TMEM67: variants seen among roughly 807,000 people sequenced by gnomAD.
TMEM67 encodes meckelin.
A neutral mutation model predicts 136.6 loss-of-function variants in TMEM67; 124 were observed. The ratio of observed to expected loss-of-function variants is 0.91; its 90% confidence interval spans 0.78 to 1.05. The LOEUF is 1.05. Among genes scored for constraint, TMEM67 ranks in the 50% least tolerant of loss-of-function variants. TMEM67 has a pLI of 0.00. For missense variants in TMEM67, 1,107 were observed against 1,178.4 expected (o/e 0.94, Z 0.89); for synonymous variants, 364 against 390.5 (o/e 0.93, Z 0.80).
chr8:93,816,646 G>A lies in TMEM67; in HGVS notation c.*194G>A. On this transcript the variant is annotated 3_prime_UTR_variant, in exon 28 of 28. Coordinates refer to ENST00000453321, the MANE Select transcript of TMEM67 (RefSeq NM_153704.6). Reference sequence around the variant, plus strand: ...TAATAGAAAATACTGTTTTCCCATTGTGTGTAGTATTTAATGCAGTAAATA... The same window carrying A: ...TAATAGAAAATACTGTTTTCCCATTATGTGTAGTATTTAATGCAGTAAATA... 1 of 433,640 alleles carries A rather than the reference G, an allele frequency of 2.3e-6. No individual in the cohort carries two copies. The highest frequency in any genetic ancestry group is 4.2e-6 in the Non-Finnish European group (1 of 237,258). The allele number at this position is 433,640 out of a possible 1,614,324, so 26.9% of individuals were successfully genotyped here.
Position 93,809,160 on chromosome 8 carries a change from A to G in TMEM67, c.2660A>G (p.His887Arg), listed in dbSNP as rs764555225. 7 of 1,477,540 alleles carry G rather than the reference A, an allele frequency of 4.7e-6. No individual in the cohort carries two copies. The East Asian group carries it at 1.4e-4, about 29-fold the overall frequency. The allele number at this position is 1,477,540 out of a possible 1,614,324, so 91.5% of individuals were successfully genotyped here. The change falls in exon 25 of 28, where the codon CAT becomes CGT. Residue 887 changes from histidine to arginine, a missense_variant and splice_region_variant. His to Arg is a conservative substitution (Grantham distance 29). This residue lies in a region of TMEM67 where 925 missense variants were observed against 1,002.4 expected (regional missense o/e 0.92). Transcript: ENST00000453321. Reference sequence around the variant, plus strand: ...AAATTTCTTGGCTCCTTCATTGACCATGTATGTATGTCAACATTTATATTT... The same window carrying G: ...AAATTTCTTGGCTCCTTCATTGACCGTGTATGTATGTCAACATTTATATTT... ...MNKFLGSFID[H>R]VHKEMDYFIK... is the part of the protein sequence containing the mutation.
chr8:93,793,904 T>G (rs1473453070), intron 16 of TMEM67, among the ~76,000 whole-genome samples: 2 of 152,200 alleles, frequency 1.3e-5, no homozygotes, highest in African/African-American at 2.4e-5. Context: ...TGTTGTTGTT[T>G]TTTTGAGACG....
intron 3 of TMEM67, chr8:93,759,987 G>T: frequency 6.6e-7 from 1 of 1,522,522 alleles, no homozygotes; most frequent in South Asian, 1.3e-5. Flanking sequence ...CATAATTGAA[G>T]AAATTTGTGA....
chr8:93,809,972 T>A, intron 26 of TMEM67, 85 bp downstream of exon 26: 9 of 171,444 alleles, frequency 5.2e-5, no homozygotes, highest in Middle Eastern at 1.6e-3. Flanking sequence ...TCTTTTTTTC[T>A]TTTTTTTTTT....
intron 14 of TMEM67, among the ~76,000 whole-genome samples, chr8:93,788,731 A>G (rs1487022046): frequency 6.6e-6 from 1 of 152,216 alleles, no homozygotes; most frequent in Non-Finnish European, 1.5e-5. Flanking sequence ...TATTGCTAAC[A>G]TGAACTAGAG....
chr8:93,808,513 T>TTATAG (rs1808548983), intron 23 of TMEM67, among the ~76,000 whole-genome samples: 1 of 15,104 alleles, frequency 6.6e-5, no homozygotes, highest in African/African-American at 2.6e-4. Flanking sequence ...GATGAATATA[T>TTATAG]ATATTTATAA....
At chr8:93,798,015 C>G (rs913877997) in intron 20 of TMEM67, among the ~76,000 whole-genome samples, 3 of 151,904 alleles carry the variant, frequency 2.0e-5, no homozygotes, top group Non-Finnish European at 4.4e-5. Flanking sequence ...AGTAGTGTTA[C>G]GTACATTCAC....
intron 7 of TMEM67, among the ~76,000 whole-genome samples, chr8:93,779,912 TCA>T (rs1813735197): frequency 6.6e-6 from 1 of 152,194 alleles, no homozygotes; most frequent in Admixed American, 6.5e-5. Flanking sequence ...TTCAGAGCTG[TCA>T]GACAGGGATG....
chr8:93,767,423 C>T (rs1813125935), intron 6 of TMEM67, among the ~76,000 whole-genome samples: 1 of 152,168 alleles, frequency 6.6e-6, no homozygotes, highest in Admixed American at 6.5e-5. Context: ...CCTCACTAAC[C>T]CTTAACTCAC....
chr8:93,800,951 T>G (rs1380237007), intron 21 of TMEM67, among the ~76,000 whole-genome samples: 1 of 149,492 alleles, frequency 6.7e-6, no homozygotes, highest in African/African-American at 2.5e-5. Flanking sequence ...TGACTGAAAG[T>G]AAAAATAAGT....
chr8:93,763,630 C>G (rs1812947427), intron 3 of TMEM67, among the ~76,000 whole-genome samples: 1 of 152,140 alleles, frequency 6.6e-6, no homozygotes, highest in African/African-American at 2.4e-5. Flanking sequence ...GGCATCACTT[C>G]TCTTTTTTTT....
At chr8:93,766,056 G>A (rs1216204278) in intron 6 of TMEM67, among the ~76,000 whole-genome samples, 1 of 151,994 alleles carries the variant, frequency 6.6e-6, no homozygotes, top group Non-Finnish European at 1.5e-5. Context: ...CTTTACCACA[G>A]TGCCTGTACA....
rs756686115 is a variant in TMEM67 at position 93,804,883 on chromosome 8, G to C, written c.2439+5G>C. 2 of 1,481,976 alleles carry C rather than the reference G, an allele frequency of 1.3e-6. No homozygotes were observed. The highest frequency in any genetic ancestry group is 1.7e-5 in the Admixed American group (1 of 59,776). 91.8% of individuals were successfully genotyped at this position (1,481,976 alleles called of 1,614,324 possible). A position where few individuals can be genotyped will look rare whatever the true frequency, so the allele number is the denominator to read the frequency against. ...ATGAACCTTAAAAGAGAAGCGGTATGAAAATGTTTTACATCTTTTTGTTTT... is the reference window on the plus strand; with the variant it reads ...ATGAACCTTAAAAGAGAAGCGGTATCAAAATGTTTTACATCTTTTTGTTTT... On this transcript the variant is annotated splice_donor_5th_base_variant and intron_variant, in intron 23 of 27. Transcript: ENST00000453321.
At chr8:93,772,439 A>G (rs1015091283) in intron 6 of TMEM67, 150 bp from the exon 7 acceptor site, 2 of 617,442 alleles carry the variant, frequency 3.2e-6, no homozygotes, top group Admixed American at 6.0e-5. Flanking sequence ...ATTTATAATA[A>G]CTGACATTGG....
At chr8:93,769,751 C>T (rs918404373) in intron 6 of TMEM67, 5 of 162,148 alleles carry the variant, frequency 3.1e-5, no homozygotes, top group Non-Finnish European at 7.3e-5. Context: ...TAAACTTAGA[C>T]GAGATTAGAT....
At chr8:93,782,549 G>A in intron 11 of TMEM67, 89 bp downstream of exon 11, 1 of 774,550 alleles carries the variant, frequency 1.3e-6, no homozygotes, top group Non-Finnish European at 2.1e-6. Context: ...AAATTTTTGA[G>A]ATTGGAAATT....
At chr8:93,785,492 A>T in intron 12 of TMEM67, 114 bp downstream of exon 12, 1 of 1,114,026 alleles carries the variant, frequency 9.0e-7, no homozygotes, top group Non-Finnish European at 1.3e-6. Flanking sequence ...ATTCTCTCTT[A>T]TGTGGTTCTA....
Position 93,815,422 on chromosome 8 carries a change from C to T in TMEM67, c.2882C>T (p.Ser961Phe), listed in dbSNP as rs1473244821. 1 of 1,612,568 alleles carries T rather than the reference C, an allele frequency of 6.2e-7. No individual in the cohort carries two copies. Among genetic ancestry groups the T allele is most frequent in the Non-Finnish European group, 8.5e-7 (1 of 1,179,560 alleles). ...GCTTGCCAAAATTTTATTTTAGCATCCTTCCTTACATATCTACAACAAGAG... is the reference window on the plus strand; with the variant it reads ...GCTTGCCAAAATTTTATTTTAGCATTCTTCCTTACATATCTACAACAAGAG... ...DLACQNFILA[S>F]FLTYLQQEIF... Residue 961 changes from serine to phenylalanine, a missense_variant, in exon 27 of 28, where the codon TCC becomes TTC. By Grantham distance (155) the Ser-to-Phe change is radical. Coordinates refer to ENST00000453321, the MANE Select transcript of TMEM67 (RefSeq NM_153704.6).
chr8:93,816,292 T>G, intron 27 of TMEM67, 80 bp from the exon 28 acceptor site: 2 of 656,930 alleles, frequency 3.0e-6, no homozygotes, highest in East Asian at 5.3e-5. Context: ...ATTAGCTAAT[T>G]TAATCTAGAT....
Sources: gnomAD v4.1 joint callset for allele counts (sites outside exome capture counted in the v4.1 genomes callset) on GRCh38, gnomAD v4.1.1 for gene constraint, gnomAD v4.1.1 regional missense constraint, MANE v1.5 for transcripts, NCBI Gene and HGNC (gene_info 2026-07-23, HGNC 2026-07-21) for gene names.